The following ITFG1 variants were observed in gnomAD, a reference collection of about 807,000 sequenced individuals.
ITFG1 encodes the protein integrin alpha FG-GAP repeat containing 1.
Under a neutral mutation model 81.8 loss-of-function variants are expected in ITFG1, and 34 were observed. That is an observed-to-expected ratio of 0.42 (90% CI 0.32 to 0.55). The LOEUF (loss-of-function observed/expected upper bound fraction) is 0.55, where lower values mean the gene tolerates loss of function less well. ITFG1 is among the 20% of genes least tolerant of loss of function. ITFG1 has a pLI of 0.17. For synonymous variants in ITFG1, 285 were observed against 270.6 expected (o/e 1.05, Z -0.52); for missense variants, 672 against 755.4 (o/e 0.89, Z 1.29).
At chr16:47,390,255 C>T (rs1312540853) in intron 6 of ITFG1, among the ~76,000 whole-genome samples, 1 of 152,156 alleles carries the variant, frequency 6.6e-6, no homozygotes, top group Non-Finnish European at 1.5e-5. Flanking sequence ...GCTGACATCA[C>T]CAGTCATTGT....
chr16:47,452,086 TAAG>T (rs1422386205), intron 4 of ITFG1, among the ~76,000 whole-genome samples: 2 of 152,142 alleles, frequency 1.3e-5, no homozygotes, highest in Non-Finnish European at 2.9e-5. Flanking sequence ...GGGGCACCGT[TAAG>T]AAGATTAATC....
chr16:47,199,029 T>G (rs1311585189), intron 14 of ITFG1, among the ~76,000 whole-genome samples: 1 of 152,112 alleles, frequency 6.6e-6, no homozygotes, highest in Non-Finnish European at 1.5e-5. Context: ...ATCTCAGCAC[T>G]TTGGGAGGCT....
chr16:47,248,905 C>A (rs1475166321), intron 12 of ITFG1, among the ~76,000 whole-genome samples: 1 of 152,142 alleles, frequency 6.6e-6, no homozygotes, highest in Non-Finnish European at 1.5e-5. Flanking sequence ...TAGCCTTCTA[C>A]TATTTGTGTT....
Position 47,260,433 on chromosome 16 carries a change from C to T in ITFG1, c.1221+112G>A, listed in dbSNP as rs985219270. The T allele has an allele frequency of 7.2e-6, 8 of 1,109,440 alleles. No homozygotes were observed. The African/African-American group carries it at 1.1e-4, about 15-fold the overall frequency. 68.7% of individuals were successfully genotyped at this position (1,109,440 alleles called of 1,614,324 possible). On this transcript the variant is annotated intron_variant, in intron 11 of 17. Transcript: ENST00000320640. Reference sequence around the variant, plus strand: ...TAAAAGGGGCTTTCCTTAATTAACTCATTTGCTTTTTGTTGTGTTGTCCAC... The same window carrying T: ...TAAAAGGGGCTTTCCTTAATTAACTTATTTGCTTTTTGTTGTGTTGTCCAC...
intron 12 of ITFG1, among the ~76,000 whole-genome samples, chr16:47,239,441 C>T (rs1435636407): frequency 2.0e-5 from 3 of 152,028 alleles, no homozygotes; most frequent in Non-Finnish European, 4.4e-5. Flanking sequence ...CCTTGTGATC[C>T]GCCTGCCTCG....
chr16:47,291,626 T>C (rs574365136), intron 10 of ITFG1, among the ~76,000 whole-genome samples: 6 of 152,334 alleles, frequency 3.9e-5, no homozygotes, highest in Non-Finnish European at 8.8e-5. Context: ...AGGATTTCTC[T>C]CACTCTTTTG....
chr16:47,193,744 C>G (rs1482479593), intron 14 of ITFG1, among the ~76,000 whole-genome samples: 2 of 152,080 alleles, frequency 1.3e-5, no homozygotes. Context: ...GAGGATTAAT[C>G]TTCTCAATTA....
chr16:47,454,145 A>G lies in ITFG1; in HGVS notation c.295T>C (p.Leu99=), dbSNP rs1328631885. 6.2e-7 allele frequency: 1 copy of G among 1,603,346 alleles called. No homozygotes were observed. Among genetic ancestry groups the G allele is most frequent in the Admixed American group, 1.7e-5 (1 of 58,654 alleles). The change falls in exon 3 of 18, where the codon TTG becomes CTG. Residue 99 remains leucine, a synonymous_variant. Transcript: ENST00000320640. ...VKVSFKNHSA[L]ITSVVPGDYD... ...TCCCCAGGGACTACACTTGTTATCAATGCACTGTGATTCCTAAAAGAAACA... is the reference window on the plus strand; with the variant it reads ...TCCCCAGGGACTACACTTGTTATCAGTGCACTGTGATTCCTAAAAGAAACA...
At chr16:47,375,436 G>T (rs1437443842) in intron 7 of ITFG1, among the ~76,000 whole-genome samples, 1 of 151,706 alleles carries the variant, frequency 6.6e-6, no homozygotes, top group African/African-American at 2.4e-5. Flanking sequence ...TATTGGGAAA[G>T]ATTTCTTAAT....
intron 12 of ITFG1, among the ~76,000 whole-genome samples, chr16:47,239,550 T>C (rs1268756311): frequency 1.3e-5 from 2 of 152,140 alleles, no homozygotes; most frequent in Non-Finnish European, 2.9e-5. Context: ...ATACAGAGTA[T>C]GTAAGGTAAA....
chr16:47,331,856 G>A (rs147753708), intron 8 of ITFG1, among the ~76,000 whole-genome samples: 7 of 152,194 alleles, frequency 4.6e-5, no homozygotes, highest in Admixed American at 2.6e-4. Context: ...TTACTCAGAC[G>A]ATAAACATCT....
chr16:47,389,719 G>T (rs913868930), intron 6 of ITFG1, among the ~76,000 whole-genome samples: 1 of 152,176 alleles, frequency 6.6e-6, no homozygotes, highest in Non-Finnish European at 1.5e-5. Flanking sequence ...AATTAAGTTA[G>T]TACATATCTG....
chr16:47,244,638 TG>T (rs1965977409), intron 12 of ITFG1, among the ~76,000 whole-genome samples: 1 of 145,596 alleles, frequency 6.9e-6, no homozygotes, highest in African/African-American at 2.7e-5. Flanking sequence ...TGTGTGTGTG[TG>T]TGTGTGTGTG....
chr16:47,260,542 C>T lies in ITFG1; in HGVS notation c.1221+3G>A. The T allele has an allele frequency of 6.2e-7, 1 of 1,614,134 alleles. No individual in the cohort carries two copies. The highest frequency in any genetic ancestry group is 8.5e-7 in the Non-Finnish European group (1 of 1,179,970). The stretch of plus-strand genomic sequence containing the variant: ...CAAACACACAGCCCAGCTCTGAACT[C>T]ACATCTTCGTAAATGTCAAAGAAGG... On this transcript the variant is annotated splice_donor_region_variant and intron_variant, in intron 11 of 17. Coordinates refer to ENST00000320640, the MANE Select transcript of ITFG1 (RefSeq NM_030790.5).
intron 10 of ITFG1, among the ~76,000 whole-genome samples, chr16:47,305,397 A>G (rs1345411953): frequency 1.3e-5 from 2 of 152,174 alleles, no homozygotes; most frequent in African/African-American, 4.8e-5. Flanking sequence ...AACACAGCAC[A>G]AAAGATACAA....
chr16:47,362,005 G>A (rs1198637316), intron 8 of ITFG1, among the ~76,000 whole-genome samples: 5 of 152,060 alleles, frequency 3.3e-5, no homozygotes, highest in African/African-American at 9.7e-5. Context: ...TTTACAGCAC[G>A]ATTAATGTGA....
chr16:47,313,989 G>C (rs1481596219), intron 8 of ITFG1, among the ~76,000 whole-genome samples, 166 bp from the exon 9 acceptor site: 2 of 152,052 alleles, frequency 1.3e-5, no homozygotes, highest in Admixed American at 1.3e-4. Flanking sequence ...AAATTACTCT[G>C]GCCCTTGCAA....
intron 6 of ITFG1, among the ~76,000 whole-genome samples, chr16:47,406,406 C>T (rs535898183): frequency 3.9e-5 from 6 of 152,314 alleles, no homozygotes; most frequent in African/African-American, 1.2e-4. Flanking sequence ...GTTTGAACTT[C>T]TGCAAACTAA....
chr16:47,268,835 A>C (rs565910043), intron 10 of ITFG1, among the ~76,000 whole-genome samples: 2 of 152,362 alleles, frequency 1.3e-5, no homozygotes, highest in East Asian at 3.9e-4. Flanking sequence ...TTATTGCAGG[A>C]ATGCAAAGTT....
Sources: gnomAD v4.1 joint callset for allele counts (sites outside exome capture counted in the v4.1 genomes callset) on GRCh38, gnomAD v4.1.1 for gene constraint, MANE v1.5 for transcripts, NCBI Gene and HGNC (gene_info 2026-07-23, HGNC 2026-07-21) for gene names.